The following SGPP1 variants were observed in gnomAD, a reference collection of about 807,000 sequenced individuals.
SGPP1 encodes the protein hSPP1.
SGPP1 carries 21 observed loss-of-function variants against 33.0 expected under a neutral mutation model. That is an observed-to-expected ratio of 0.64 (90% CI 0.45 to 0.92). The LOEUF (loss-of-function observed/expected upper bound fraction) is 0.92. Ranked by LOEUF, SGPP1 falls within the 40% of genes least tolerant of loss-of-function variation. The pLI is 0.00. For missense variants in SGPP1, 543 were observed against 589.4 expected, an observed-to-expected ratio of 0.92 and a Z score of 0.81; for synonymous variants, 239 against 241.2, an observed-to-expected ratio of 0.99 and a Z score of 0.08.
chr14:63,693,503 A>G (rs1344884317), intron 2 of SGPP1, among the ~76,000 whole-genome samples: 2 of 152,270 alleles, frequency 1.3e-5, no homozygotes, highest in Admixed American at 6.5e-5. Flanking sequence ...ATCAAGTCAG[A>G]TGTTTCAGAC....
chr14:63,707,189 T>C (rs958188306), intron 1 of SGPP1, among the ~76,000 whole-genome samples: 1 of 152,154 alleles, frequency 6.6e-6, no homozygotes, highest in Non-Finnish European at 1.5e-5. Context: ...TTTTGAACTC[T>C]TAAGTTACAA....
In SGPP1 at chr14:63,698,638, C is replaced by A; in HGVS notation, c.705G>T (p.Leu235=). 2 of 1,600,680 alleles carry A rather than the reference C, an allele frequency of 1.2e-6. No homozygotes were observed. The highest frequency in any genetic ancestry group is 1.1e-5 in the South Asian group (1 of 88,976). ...GAGAACACCAGCAGGGAATAAGAAT[C>A]AGTCCATATATAAGAGGGTACTAAA... ...GRWQYPLIYG[L]ILIPCWCSLV... is the part of the protein sequence containing the mutation. The change falls in exon 2 of 3, where the codon CTG becomes CTT. Residue 235 remains leucine (L), a synonymous_variant. Transcript: ENST00000247225.
intron 1 of SGPP1, among the ~76,000 whole-genome samples, chr14:63,713,516 C>A (rs1021525421): frequency 6.6e-6 from 1 of 152,092 alleles, no homozygotes; most frequent in African/African-American, 2.4e-5. Context: ...CAGTCATAAT[C>A]CCAAAAGATA....
chr14:63,688,725 C>CT (rs1051862998), intron 2 of SGPP1, among the ~76,000 whole-genome samples: 1,185 of 115,852 alleles, frequency 0.01, 13 homozygotes, highest in East Asian at 0.038. Context: ...TTTTTTTTTT[C>CT]TTTTTTTTTT....
intron 1 of SGPP1, among the ~76,000 whole-genome samples, chr14:63,715,108 G>A (rs1192446840): frequency 2.7e-5 from 4 of 146,364 alleles, no homozygotes; most frequent in Non-Finnish European, 4.5e-5. Context: ...GCTGCCTCCC[G>A]AGTTCAAGTG....
chr14:63,693,050 T>C (rs1885118068), intron 2 of SGPP1, among the ~76,000 whole-genome samples: 1 of 152,132 alleles, frequency 6.6e-6, no homozygotes, highest in South Asian at 2.1e-4. Flanking sequence ...TCCTCCCACC[T>C]CCCAAGTAGC....
At chr14:63,726,109 A>C (rs1885872642) in intron 1 of SGPP1, among the ~76,000 whole-genome samples, 1 of 152,232 alleles carries the variant, frequency 6.6e-6, no homozygotes, top group Non-Finnish European at 1.5e-5. Flanking sequence ...GTACTGTAAG[A>C]GAGATGCACT....
chr14:63,699,590 G>A (rs1885254292), intron 1 of SGPP1, among the ~76,000 whole-genome samples: 1 of 152,124 alleles, frequency 6.6e-6, no homozygotes, highest in African/African-American at 2.4e-5. Context: ...TAGAAAGACA[G>A]GGTCTCACTA....
intron 1 of SGPP1, among the ~76,000 whole-genome samples, chr14:63,713,763 G>A (rs1885568799): frequency 6.6e-6 from 1 of 152,198 alleles, no homozygotes; most frequent in Non-Finnish European, 1.5e-5. Flanking sequence ...ATACATATGG[G>A]TGTGAAGTTG....
Position 63,708,976 on chromosome 14 carries a change from T to A in SGPP1, c.685-10318A>T, listed in dbSNP as rs529711993. ...TCAAAGTGTGTTGTTTAATTTCTTT[T>A]ATCCTTAGGATCAAGTAGAATATCA... On this transcript the variant is annotated intron_variant, in intron 1 of 2. Transcript: ENST00000247225. Among the ~76,000 whole-genome samples, 226 of 152,334 alleles carry A rather than the reference T, an allele frequency of 1.5e-3. 1 individual carries two copies. Among genetic ancestry groups the A allele is most frequent in the Non-Finnish European group, 2.4e-3 (163 of 68,024 alleles).
intron 1 of SGPP1, among the ~76,000 whole-genome samples, chr14:63,700,437 T>C (rs576165432): frequency 6.6e-6 from 1 of 152,314 alleles, no homozygotes; most frequent in East Asian, 1.9e-4. Flanking sequence ...ATGAGAAACA[T>C]GAATTATCCT....
At chr14:63,701,659 C>G (rs866945801) in intron 1 of SGPP1, among the ~76,000 whole-genome samples, 4 of 152,120 alleles carry the variant, frequency 2.6e-5, no homozygotes, top group Middle Eastern at 6.8e-3. Context: ...GGGGCCAGAT[C>G]AAGTAGAGCC....
chr14:63,692,118 C>T (rs539594870), intron 2 of SGPP1, among the ~76,000 whole-genome samples: 68 of 152,232 alleles, frequency 4.5e-4, no homozygotes, highest in African/African-American at 1.5e-3. Context: ...AATAACTTTC[C>T]GTACTAAAAA....
At chr14:63,698,459 C>G (rs1269063541) in intron 2 of SGPP1, 110 bp downstream of exon 2, 1 of 524,534 alleles carries the variant, frequency 1.9e-6, no homozygotes, top group South Asian at 4.3e-5. Context: ...AGACGACTTA[C>G]AATATTTTCT....
chr14:63,704,635 A>G (rs2139641498), intron 1 of SGPP1, among the ~76,000 whole-genome samples: 1 of 152,334 alleles, frequency 6.6e-6, no homozygotes, highest in Middle Eastern at 3.4e-3. Context: ...GGATCGCTTG[A>G]GCCCAGGTGT....
chr14:63,691,033 A>T (rs1219921018), intron 2 of SGPP1, among the ~76,000 whole-genome samples: 2 of 152,218 alleles, frequency 1.3e-5, no homozygotes, highest in African/African-American at 4.8e-5. Context: ...CATTTTAAAA[A>T]TTTTATTTAG....
intron 2 of SGPP1, among the ~76,000 whole-genome samples, chr14:63,694,724 G>A (rs1372614751): frequency 6.6e-6 from 1 of 152,144 alleles, no homozygotes; most frequent in Non-Finnish European, 1.5e-5. Flanking sequence ...CACAAAGTAT[G>A]CAATAAAGAA....
intron 2 of SGPP1, among the ~76,000 whole-genome samples, chr14:63,688,052 G>T (rs1885017772): frequency 6.6e-6 from 1 of 152,134 alleles, no homozygotes; most frequent in African/African-American, 2.4e-5. Flanking sequence ...TTGAACCCGG[G>T]AGGCAGAGTT....
At position 63,724,879 on chromosome 14, in the gene SGPP1, C is replaced by T. The variant is rs187522394; in HGVS notation, c.684+2382G>A. Among the ~76,000 whole-genome samples, 1,211 of 144,898 alleles carry T rather than the reference C, an allele frequency of 8.4e-3. 10 individuals are homozygous for T. The highest frequency in any genetic ancestry group is 0.029 in the African/African-American group (1,133 of 39,022). Reference sequence around the variant, plus strand: ...CCTGGGCAACAGAGCGAGACTCCGTCTTAAAAAAAAAAAAGGAAAAGCTGG... The same window carrying T: ...CCTGGGCAACAGAGCGAGACTCCGTTTTAAAAAAAAAAAAGGAAAAGCTGG... On this transcript the variant is annotated intron_variant, in intron 1 of 2. Transcript: ENST00000247225.
Sources: allele counts gnomAD v4.1 joint callset (sites outside exome capture counted in the v4.1 genomes callset), GRCh38; gene constraint gnomAD v4.1.1; transcripts MANE v1.5; gene names NCBI Gene and HGNC (gene_info 2026-07-23, HGNC 2026-07-21).